The following TAFA2 variants were observed in gnomAD, a reference collection of about 807,000 sequenced individuals.
TAFA2 encodes the protein chemokine-like protein TAFA-2.
Under a neutral mutation model 18.8 loss-of-function variants are expected in TAFA2, and 7 were observed. The ratio of observed to expected loss-of-function variants is 0.37; its 90% CI spans 0.21 to 0.70. The LOEUF (loss-of-function observed/expected upper bound fraction) is 0.70. TAFA2 is among the 30% of genes least tolerant of loss of function. The pLI is 0.53. For missense variants in TAFA2, 122 were observed against 158.1 expected (o/e 0.77, Z 1.23); for synonymous variants, 60 against 54.2 (o/e 1.11, Z -0.47).
At chr12:61,878,802 A>G (rs1180343466) in intron 1 of TAFA2, among the ~76,000 whole-genome samples, 1 of 152,180 alleles carries the variant, frequency 6.6e-6, no homozygotes, top group East Asian at 1.9e-4. Flanking sequence ...TTGACAAACC[A>G]TACAGTATAG....
intron 1 of TAFA2, among the ~76,000 whole-genome samples, chr12:62,012,531 C>A (rs1379891059): frequency 6.6e-6 from 1 of 152,056 alleles, no homozygotes; most frequent in Non-Finnish European, 1.5e-5. Context: ...CTTCAAACTT[C>A]CATTGCTTAC....
intron 4 of TAFA2, among the ~76,000 whole-genome samples, chr12:61,738,468 T>C (rs1400321438): frequency 6.6e-6 from 1 of 152,042 alleles, no homozygotes; most frequent in African/African-American, 2.4e-5. Context: ...TGAATAAATG[T>C]CAATAATTGT....
chr12:61,760,579 T>TAATATATG, intron 2 of TAFA2, among the ~76,000 whole-genome samples: 1 of 151,870 alleles, frequency 6.6e-6, no homozygotes, highest in African/African-American at 2.4e-5. Context: ...ATGTGGTATG[T>TAATATATG]GTTTAATAAA....
At chr12:61,965,323 A>G (rs1011519102) in intron 1 of TAFA2, among the ~76,000 whole-genome samples, 1 of 151,590 alleles carries the variant, frequency 6.6e-6, no homozygotes, top group African/African-American at 2.4e-5. Flanking sequence ...AGACAACCAA[A>G]CCTGCCAGTG....
chr12:61,940,507 C>G (rs1037632786), intron 1 of TAFA2, among the ~76,000 whole-genome samples: 6 of 152,202 alleles, frequency 3.9e-5, no homozygotes, highest in African/African-American at 1.4e-4. Context: ...AGAGGCCTTA[C>G]TCTGCACAAA....
At chr12:62,028,961 T>G (rs1881378902) in intron 1 of TAFA2, among the ~76,000 whole-genome samples, 1 of 152,182 alleles carries the variant, frequency 6.6e-6, no homozygotes, top group African/African-American at 2.4e-5. Flanking sequence ...TAATTATTTT[T>G]ACTTTTTCAA....
intron 1 of TAFA2, among the ~76,000 whole-genome samples, chr12:61,871,434 A>G (rs543096780): frequency 6.6e-6 from 1 of 152,334 alleles, no homozygotes; most frequent in South Asian, 2.1e-4. Flanking sequence ...TGGCTCCAAC[A>G]CAAAAAGAAA....
chr12:61,795,953 T>C (rs1871171657), intron 2 of TAFA2, among the ~76,000 whole-genome samples: 1 of 151,884 alleles, frequency 6.6e-6, no homozygotes, highest in African/African-American at 2.4e-5. Flanking sequence ...ACGCCAAAAT[T>C]AAAAACACTT....
intron 4 of TAFA2, among the ~76,000 whole-genome samples, chr12:61,751,979 T>C (rs6581426): frequency 0.89 from 134,589 of 152,008 alleles, 59,756 homozygotes; most frequent in East Asian, 0.98. Context: ...CTATACGATA[T>C]TTTTACCATT....
intron 1 of TAFA2, chr12:62,235,576 C>A: frequency 3.1e-6 from 1 of 324,606 alleles, no homozygotes. Flanking sequence ...ACCACGGCAT[C>A]GCAGGTGGTT....
chr12:62,138,052 A>G (rs1052178276), intron 1 of TAFA2, among the ~76,000 whole-genome samples: 7 of 151,858 alleles, frequency 4.6e-5, no homozygotes, highest in African/African-American at 1.7e-4. Context: ...CTCTATCACA[A>G]ACTCCTCAAA....
intron 1 of TAFA2, among the ~76,000 whole-genome samples, chr12:62,050,496 C>T (rs111708038): frequency 6.1e-4 from 92 of 151,610 alleles, no homozygotes; most frequent in African/African-American, 2.1e-3. Context: ...GGCGTGAACC[C>T]GGGAGGCAGA....
At chr12:62,030,019 T>A (rs1881415199) in intron 1 of TAFA2, among the ~76,000 whole-genome samples, 2 of 152,116 alleles carry the variant, frequency 1.3e-5, no homozygotes, top group Non-Finnish European at 2.9e-5. Context: ...TGGCTCCTCA[T>A]GTAAATAAGG....
chr12:62,108,686 G>C (rs543750917), intron 1 of TAFA2, among the ~76,000 whole-genome samples: 2 of 152,284 alleles, frequency 1.3e-5, no homozygotes, highest in East Asian at 3.9e-4. Context: ...ATTCTAACTG[G>C]TGTGAGATGG....
intron 1 of TAFA2, among the ~76,000 whole-genome samples, chr12:61,898,316 A>T (rs2121311047): frequency 6.6e-6 from 1 of 152,296 alleles, no homozygotes; most frequent in Middle Eastern, 3.4e-3. Context: ...CTCTTCTCAC[A>T]GCTCCACTAG....
At position 62,171,284 on chromosome 12, in the gene TAFA2, T is replaced by C. The variant is rs183016950; in HGVS notation, c.-2+19975A>G. Among the ~76,000 whole-genome samples, 15 of 152,272 alleles carry C rather than the reference T, an allele frequency of 9.9e-5. No homozygotes were observed. The East Asian group carries it at 2.7e-3, about 27-fold the overall frequency. On this transcript the variant is annotated intron_variant, in intron 1 of 4. Coordinates refer to ENST00000416284, the MANE Select transcript of TAFA2 (RefSeq NM_178539.5). ...AAATAAGCAAATCCTCCATGCACCA[T>C]TTTTGTGTTCCACTCTACTAAAATT...
At chr12:61,750,787 C>G (rs529062037) in intron 4 of TAFA2, among the ~76,000 whole-genome samples, 30 of 152,244 alleles carry the variant, frequency 2.0e-4, no homozygotes, top group Middle Eastern at 3.4e-3. Flanking sequence ...AATTATTTCT[C>G]AAGCCATTTT....
At chr12:61,793,666 T>G (rs1871076118) in intron 2 of TAFA2, among the ~76,000 whole-genome samples, 1 of 151,738 alleles carries the variant, frequency 6.6e-6, no homozygotes, top group Non-Finnish European at 1.5e-5. Flanking sequence ...TACCAAGCAT[T>G]TAAGGAAGAA....
intron 1 of TAFA2, among the ~76,000 whole-genome samples, chr12:62,119,360 G>A (rs918272201): frequency 4.5e-5 from 5 of 111,258 alleles, no homozygotes; most frequent in Admixed American, 3.3e-4. Flanking sequence ...ATAAAAAGAA[G>A]AGAAACAAGA....
Sources: gnomAD v4.1 joint callset for allele counts (sites outside exome capture counted in the v4.1 genomes callset) on GRCh38, gnomAD v4.1.1 for gene constraint, MANE v1.5 for transcripts, NCBI Gene and HGNC (gene_info 2026-07-23, HGNC 2026-07-21) for gene names.